CYB5R4: variants seen among roughly 807,000 people sequenced by gnomAD.
CYB5R4 encodes the protein cytochrome b5 reductase 4, also known as N-terminal cytochrome b5 and cytochrome b5 oxidoreductase domain-containing protein.
A neutral mutation model predicts 70.2 loss-of-function variants in CYB5R4; 55 were observed. That is an observed-to-expected ratio of 0.78 (90% CI 0.63 to 0.98). The LOEUF is 0.98. CYB5R4 is among the 50% of genes least tolerant of loss of function. The pLI, the probability that CYB5R4 is intolerant of heterozygous loss-of-function variation, is 0.00. For missense variants in CYB5R4, 562 were observed against 612.6 expected (o/e 0.92, Z 0.87); for synonymous variants, 197 against 199.5 (o/e 0.99, Z 0.11).
chr6:83,900,590 G>A (rs970364373), intron 3 of CYB5R4, among the ~76,000 whole-genome samples: 5 of 152,184 alleles, frequency 3.3e-5, no homozygotes, highest in Non-Finnish European at 7.3e-5. Flanking sequence ...CGTTATTACT[G>A]TGTGGGAGTC....
chr6:83,931,249 T>TA (rs760651811), intron 10 of CYB5R4, among the ~76,000 whole-genome samples: 2 of 152,258 alleles, frequency 1.3e-5, no homozygotes, highest in Non-Finnish European at 2.9e-5. Flanking sequence ...AATAGCGTCT[T>TA]ACTCCATCCC....
intron 2 of CYB5R4, among the ~76,000 whole-genome samples, chr6:83,876,688 A>C (rs1327674331): frequency 2.0e-5 from 3 of 152,070 alleles, no homozygotes; most frequent in Non-Finnish European, 4.4e-5. Context: ...AAACCCCACA[A>C]TATGTTACTA....
intron 3 of CYB5R4, among the ~76,000 whole-genome samples, chr6:83,900,766 T>G (rs1200840978): frequency 4.6e-5 from 7 of 152,184 alleles, no homozygotes; most frequent in Non-Finnish European, 1.0e-4. Context: ...TAAAGTCTGT[T>G]TCATCAGAGA....
At chr6:83,922,558 C>G (rs2099466548) in intron 9 of CYB5R4, 88 bp downstream of exon 9, 11 of 887,058 alleles carry the variant, frequency 1.2e-5, no homozygotes, top group Admixed American at 4.6e-5. Context: ...GAAAAATTAG[C>G]ATTTGTTTTA....
At chr6:83,952,854 T>C (rs570155888) in intron 14 of CYB5R4, among the ~76,000 whole-genome samples, 15 of 152,294 alleles carry the variant, frequency 9.8e-5, no homozygotes, top group Admixed American at 1.3e-4. Context: ...CTGTGGACTA[T>C]ATGTTTTTGT....
At chr6:83,952,973 C>A (rs1426441688) in intron 14 of CYB5R4, among the ~76,000 whole-genome samples, 1 of 152,080 alleles carries the variant, frequency 6.6e-6, no homozygotes, top group East Asian at 1.9e-4. Context: ...GAAACTGTTT[C>A]TTTTTCCCCA....
chr6:83,904,752 T>A (rs1411524985), intron 3 of CYB5R4, among the ~76,000 whole-genome samples: 2 of 152,226 alleles, frequency 1.3e-5, no homozygotes, highest in Non-Finnish European at 2.9e-5. Flanking sequence ...TGTTTGGTTC[T>A]TTTTCATGAC....
intron 14 of CYB5R4, among the ~76,000 whole-genome samples, chr6:83,949,085 T>C (rs1376502336): frequency 1.3e-5 from 2 of 151,782 alleles, no homozygotes; most frequent in Admixed American, 1.3e-4. Flanking sequence ...GTGTAATTTA[T>C]GATCCCCATA....
intron 3 of CYB5R4, among the ~76,000 whole-genome samples, chr6:83,896,874 A>G (rs927201025): frequency 6.6e-6 from 1 of 151,548 alleles, no homozygotes; most frequent in Non-Finnish European, 1.5e-5. Flanking sequence ...GGTTGTACTA[A>G]TTTACATTCC....
At chr6:83,889,545 C>A (rs2099460782) in intron 2 of CYB5R4, among the ~76,000 whole-genome samples, 1 of 152,152 alleles carries the variant, frequency 6.6e-6, no homozygotes. Context: ...AATGTTGAGA[C>A]CTACTGCTCT....
Position 83,966,283 on chromosome 6 carries a change from C to A in CYB5R4, c.*6405C>A, listed in dbSNP as rs954692528. The A allele has an allele frequency of 1.3e-5, 2 of 151,924 alleles. No individual in the cohort carries two copies. Among genetic ancestry groups the A allele is most frequent in the Non-Finnish European group, 2.9e-5 (2 of 67,998 alleles). 9.4% of individuals were successfully genotyped at this position (151,924 alleles called of 1,614,324 possible). A position where few individuals can be genotyped will look rare whatever the true frequency, so the allele number is the denominator to read the frequency against. On this transcript the variant is annotated 3_prime_UTR_variant, in exon 16 of 16. Coordinates refer to ENST00000369681, the MANE Select transcript of CYB5R4 (RefSeq NM_016230.4). Reference sequence around the variant, plus strand: ...GAATTGTATCTAATTTGAACCATATCTCAGTAAAGATATAAAAATGTTTTT... The same window carrying A: ...GAATTGTATCTAATTTGAACCATATATCAGTAAAGATATAAAAATGTTTTT...
chr6:83,873,905 G>T (rs1046399053), intron 2 of CYB5R4, among the ~76,000 whole-genome samples: 1 of 152,090 alleles, frequency 6.6e-6, no homozygotes, highest in Admixed American at 6.5e-5. Flanking sequence ...GAGAGGAATG[G>T]GAACATTATT....
intron 3 of CYB5R4, among the ~76,000 whole-genome samples, chr6:83,900,369 G>C (rs928780330): frequency 6.6e-6 from 1 of 152,126 alleles, no homozygotes; most frequent in Non-Finnish European, 1.5e-5. Context: ...CTTTTGCTGA[G>C]GAGTGCTTTA....
intron 14 of CYB5R4, among the ~76,000 whole-genome samples, chr6:83,952,254 C>A (rs1485472085): frequency 1.3e-5 from 2 of 152,106 alleles, no homozygotes; most frequent in African/African-American, 4.8e-5. Context: ...TCACTCCCTG[C>A]AAAATGTGCT....
chr6:83,882,956 A>G (rs1008505020), intron 2 of CYB5R4, among the ~76,000 whole-genome samples: 1 of 152,230 alleles, frequency 6.6e-6, no homozygotes, highest in Non-Finnish European at 1.5e-5. Context: ...CCTGGGTGAC[A>G]GAGTGAGACT....
chr6:83,954,259 C>G (rs1424914718), intron 14 of CYB5R4, among the ~76,000 whole-genome samples: 1 of 152,172 alleles, frequency 6.6e-6, no homozygotes, highest in Non-Finnish European at 1.5e-5. Flanking sequence ...CCAGTTTAAG[C>G]TCTTTTCTCA....
intron 14 of CYB5R4, among the ~76,000 whole-genome samples, chr6:83,952,028 A>G (rs1474894895): frequency 6.6e-6 from 1 of 152,228 alleles, no homozygotes; most frequent in Non-Finnish European, 1.5e-5. Context: ...TGTTGATGAC[A>G]TTAACACTGA....
At chr6:83,863,845 G>A (rs148267226) in intron 1 of CYB5R4, among the ~76,000 whole-genome samples, 2 of 152,278 alleles carry the variant, frequency 1.3e-5, no homozygotes, top group African/African-American at 4.8e-5. Context: ...GTATATGTGA[G>A]AATGTTCATA....
rs115803118 is a variant in CYB5R4 at position 83,949,909 on chromosome 6, A to G, written c.1347-5389A>G. On this transcript the variant is annotated intron_variant, in intron 14 of 15. Transcript: ENST00000369681. ...TGGGAATCAATGAGTTAGCATATGT[A>G]GGTTCCTAGCCCAGAATTAGTATGT... 9.7e-3 allele frequency among the ~76,000 whole-genome samples: 1,484 copies of G among 152,308 alleles called. 17 individuals are homozygous for G. The highest frequency in any genetic ancestry group is 0.033 in the African/African-American group (1,370 of 41,572).
Sources: allele counts gnomAD v4.1 joint callset (sites outside exome capture counted in the v4.1 genomes callset), GRCh38; gene constraint gnomAD v4.1.1; transcripts MANE v1.5; gene names NCBI Gene and HGNC (gene_info 2026-07-23, HGNC 2026-07-21).